Variants in NRP1 observed in about 807,000 individuals in gnomAD.
The protein encoded by NRP1 is neuropilin-1.
In NRP1, 35 loss-of-function variants were observed where a neutral mutation model predicts 106.7. The observed-to-expected ratio is 0.33, with a 90% CI of 0.25 to 0.43. The LOEUF (loss-of-function observed/expected upper bound fraction) is 0.43, where lower values mean the gene tolerates loss of function less well. Ranked by LOEUF, NRP1 falls within the 20% of genes least tolerant of loss-of-function variation. The pLI, the probability that NRP1 is intolerant of heterozygous loss-of-function variation, is 1.00. For missense variants in NRP1, 1,024 were observed against 1,170.4 expected, an observed-to-expected ratio of 0.87 and a Z score of 1.83; for synonymous variants, 437 against 417.9, an observed-to-expected ratio of 1.05 and a Z score of -0.56.
At chr10:33,206,490 A>G (rs1424901877) in intron 10 of NRP1, 1 of 315,286 alleles carries the variant, frequency 3.2e-6, no homozygotes, top group Non-Finnish European at 6.4e-6. Context: ...GGTGATTGAT[A>G]GCTCAAGATT....
At chr10:33,250,017 T>C (rs1479685786) in intron 6 of NRP1, among the ~76,000 whole-genome samples, 1 of 152,206 alleles carries the variant, frequency 6.6e-6, no homozygotes, top group East Asian at 1.9e-4. Context: ...CACATGCAAG[T>C]ATTTGTGTAC....
chr10:33,287,908 G>C (rs1378489270), intron 2 of NRP1, among the ~76,000 whole-genome samples: 1 of 152,136 alleles, frequency 6.6e-6, no homozygotes, highest in African/African-American at 2.4e-5. Context: ...GTCTGCCATG[G>C]TCTCTCGAGC....
intron 2 of NRP1, among the ~76,000 whole-genome samples, chr10:33,307,677 AAGATTTATGCATAC>A (rs1440063351): frequency 6.6e-6 from 1 of 152,318 alleles, no homozygotes; most frequent in East Asian, 1.9e-4. Context: ...AGCATACATC[AAGATTTATGCATAC>A]AGATGTTCAT....
intron 2 of NRP1, among the ~76,000 whole-genome samples, chr10:33,305,970 T>C (rs892532062): frequency 6.6e-6 from 1 of 152,170 alleles, no homozygotes. Context: ...GGTTTCACCA[T>C]GTTGGCCAGG....
chr10:33,188,284 G>A (rs567451867), intron 13 of NRP1, among the ~76,000 whole-genome samples: 121 of 152,310 alleles, frequency 7.9e-4, no homozygotes, highest in Admixed American at 4.2e-3. Flanking sequence ...AGGCTAGTCA[G>A]AGAATGGGTG....
intron 6 of NRP1, among the ~76,000 whole-genome samples, chr10:33,226,624 C>T (rs987210123): frequency 1.3e-5 from 2 of 152,174 alleles, no homozygotes; most frequent in African/African-American, 4.8e-5. Context: ...TTATTATACC[C>T]TCATCTCTGT....
intron 2 of NRP1, among the ~76,000 whole-genome samples, chr10:33,279,866 G>A (rs1251521538): frequency 1.3e-5 from 2 of 152,218 alleles, no homozygotes; most frequent in African/African-American, 4.8e-5. Context: ...GGAAGCAAGT[G>A]ATGGCAGAGG....
At chr10:33,237,202 C>T (rs916237126) in intron 6 of NRP1, among the ~76,000 whole-genome samples, 4 of 152,124 alleles carry the variant, frequency 2.6e-5, no homozygotes, top group Non-Finnish European at 2.9e-5. Context: ...TTAAATCCAA[C>T]ACACATTTAC....
intron 2 of NRP1, among the ~76,000 whole-genome samples, chr10:33,286,372 A>G (rs1008301641): frequency 1.3e-5 from 2 of 152,162 alleles, no homozygotes; most frequent in East Asian, 3.9e-4. Flanking sequence ...CTGTGTTCTT[A>G]TCCCTTGAAT....
chr10:33,334,244 C>T, intron 1 of NRP1, 66 bp downstream of exon 1: 2 of 1,455,964 alleles, frequency 1.4e-6, no homozygotes, highest in Non-Finnish European at 1.9e-6. Flanking sequence ...CGCCTGAGCC[C>T]CGGTCCGGGG....
intron 8 of NRP1, among the ~76,000 whole-genome samples, chr10:33,219,985 C>A (rs1839096911): frequency 6.6e-6 from 1 of 152,282 alleles, no homozygotes; most frequent in East Asian, 1.9e-4. Context: ...AAAATAAAGC[C>A]AAGGTTATAT....
intron 4 of NRP1, among the ~76,000 whole-genome samples, chr10:33,257,767 C>A (rs1842297671): frequency 6.6e-6 from 1 of 152,128 alleles, no homozygotes; most frequent in Non-Finnish European, 1.5e-5. Context: ...GATGGCAAAT[C>A]TCTCCATTTC....
At chr10:33,282,552 C>T (rs1205026564) in intron 2 of NRP1, among the ~76,000 whole-genome samples, 1 of 152,090 alleles carries the variant, frequency 6.6e-6, no homozygotes, top group African/African-American at 2.4e-5. Context: ...CCCCCAGTAA[C>T]TACCATAGAA....
intron 10 of NRP1, 32 bp downstream of exon 10, chr10:33,207,540 G>T (rs745394406): frequency 3.1e-6 from 5 of 1,611,354 alleles, no homozygotes; most frequent in Non-Finnish European, 4.2e-6. Flanking sequence ...ATTTAAAAAC[G>T]CATGAGAAGT....
intron 2 of NRP1, among the ~76,000 whole-genome samples, chr10:33,294,516 G>A (rs1449990142): frequency 1.3e-5 from 2 of 151,808 alleles, no homozygotes; most frequent in Non-Finnish European, 2.9e-5. Flanking sequence ...TACTCGGGAG[G>A]CTGAGGCAGG....
At chr10:33,268,544 G>A (rs1843080602) in intron 3 of NRP1, among the ~76,000 whole-genome samples, 2 of 152,214 alleles carry the variant, frequency 1.3e-5, no homozygotes, top group South Asian at 2.1e-4. Flanking sequence ...TAACAGATAC[G>A]TAGGGAGCTG....
At chr10:33,291,962 G>T (rs894221154) in intron 2 of NRP1, among the ~76,000 whole-genome samples, 23 of 152,182 alleles carry the variant, frequency 1.5e-4, no homozygotes, top group Non-Finnish European at 5.9e-5. Context: ...GGAGTGCAGT[G>T]GTGCAATCTC....
chr10:33,244,369 G>C (rs1841260764), intron 6 of NRP1, among the ~76,000 whole-genome samples: 1 of 152,112 alleles, frequency 6.6e-6, no homozygotes, highest in African/African-American at 2.4e-5. Flanking sequence ...TATTACCGCT[G>C]GGACAGAAAT....
intron 13 of NRP1, among the ~76,000 whole-genome samples, chr10:33,191,930 C>A (rs1385697907): frequency 7.1e-6 from 1 of 140,946 alleles, no homozygotes; most frequent in Non-Finnish European, 1.5e-5. Flanking sequence ...GTGAGTGGAG[C>A]TAGTGCCACT....
Sources: allele counts gnomAD v4.1 joint callset (sites outside exome capture counted in the v4.1 genomes callset), GRCh38; gene constraint gnomAD v4.1.1; transcripts MANE v1.5; gene names NCBI Gene and HGNC (gene_info 2026-07-23, HGNC 2026-07-21).